Variants in ASIP observed in about 807,000 individuals in gnomAD.
The protein encoded by ASIP is agouti signaling protein, also known as agouti-signaling protein.
A neutral mutation model predicts 10.3 loss-of-function variants in ASIP; 11 were observed. The observed-to-expected ratio is 1.07, with a 90% CI of 0.68 to 1.78. ASIP has a LOEUF of 1.78. ASIP is among the 40% of genes most tolerant of loss of function. ASIP has a pLI of 0.00. For synonymous variants in ASIP, 70 were observed against 70.8 expected, an observed-to-expected ratio of 0.99 and a Z score of 0.06; for missense variants, 180 against 169.2, an observed-to-expected ratio of 1.06 and a Z score of -0.35.
chr20:34,221,936 C>T (rs951484374), intron 1 of ASIP, among the ~76,000 whole-genome samples: 1 of 152,048 alleles, frequency 6.6e-6, no homozygotes, highest in Non-Finnish European at 1.5e-5. Context: ...ATGGCAAAAC[C>T]TTGTCCCTAC....
chr20:34,191,932 T>C (rs1337034362), upstream of ASIP, among the ~76,000 whole-genome samples: 3 of 152,172 alleles, frequency 2.0e-5, no homozygotes, highest in Non-Finnish European at 1.5e-5. Context: ...GGTTTCACCA[T>C]GTTGGCCAGG....
intron 1 of ASIP, among the ~76,000 whole-genome samples, chr20:34,210,214 T>C (rs1447097135): frequency 6.6e-6 from 1 of 152,216 alleles, no homozygotes; most frequent in African/African-American, 2.4e-5. Flanking sequence ...AAACGTCCCT[T>C]GCTCACCACG....
chr20:34,191,195 T>C (rs569594546), upstream of ASIP, among the ~76,000 whole-genome samples: 1 of 152,326 alleles, frequency 6.6e-6, no homozygotes, highest in South Asian at 2.1e-4. Flanking sequence ...TTTAATTTTC[T>C]AAATTAAATA....
At chr20:34,254,843 G>T (rs1014635806) in intron 1 of ASIP, among the ~76,000 whole-genome samples, 3 of 152,062 alleles carry the variant, frequency 2.0e-5, no homozygotes, top group Admixed American at 2.0e-4. Context: ...TTGAGGTAAG[G>T]AATACTGGTC....
intron 3 of ASIP, among the ~76,000 whole-genome samples, chr20:34,268,742 A>G (rs2122687700): frequency 6.7e-6 from 1 of 149,312 alleles, no homozygotes; most frequent in East Asian, 2.0e-4. Flanking sequence ...TAAAAAAAAA[A>G]CAAAAAACAA....
At chr20:34,256,351 C>G (rs1420187947) in intron 1 of ASIP, among the ~76,000 whole-genome samples, 1 of 152,186 alleles carries the variant, frequency 6.6e-6, no homozygotes, top group African/African-American at 2.4e-5. Context: ...CCGGACCCAG[C>G]TGTATTTTAT....
In ASIP at chr20:34,258,700, A is replaced by ATATATATATATATATACACACACATAC. The variant is rs1555826880; in HGVS notation, c.-10-1656_-10-1655insATATATACACACACATACTATATATAT. Reference sequence around the variant, plus strand: ...ATATATATATATATATACATACTATATATATATATTATATATATTATAAAA... The same window carrying ATATATATATATATATACACACACATAC: ...ATATATATATATATATACATACTATATATATATATATATATACACACACATACTATATATATTATATATATTATAAAA... On this transcript the variant is annotated intron_variant, in intron 1 of 3. Coordinates refer to ENST00000374954, the MANE Select transcript of ASIP (RefSeq NM_001672.3). Among the ~76,000 whole-genome samples, 32 of 77,922 alleles carry ATATATATATATATATACACACACATAC rather than the reference A, an allele frequency of 4.1e-4. 3 individuals carry two copies. The highest frequency in any genetic ancestry group is 1.6e-3 in the East Asian group (3 of 1,912). 51.1% of individuals were successfully genotyped at this position (77,922 alleles called of 152,430 possible).
chr20:34,189,210 G>T, the ASIP span, among the ~76,000 whole-genome samples: 1,565 of 152,226 alleles, frequency 0.01, 16 homozygotes, highest in Non-Finnish European at 0.014. Context: ...AGAACTTCTG[G>T]CCATGTGGGT....
intron 1 of ASIP, among the ~76,000 whole-genome samples, chr20:34,257,871 C>T (rs372238423): frequency 8.5e-5 from 13 of 152,078 alleles, no homozygotes; most frequent in African/African-American, 2.2e-4. Context: ...GGGCTGGGTG[C>T]GGTGGCTCAC....
chr20:34,253,307 CA>C (rs1279546718), intron 1 of ASIP, among the ~76,000 whole-genome samples: 3 of 151,584 alleles, frequency 2.0e-5, no homozygotes, highest in Non-Finnish European at 2.9e-5. Context: ...GGGGTTTCAC[CA>C]TGTTAGCCAG....
upstream of ASIP, among the ~76,000 whole-genome samples, chr20:34,191,730 C>CTTT (rs58407816): frequency 0.012 from 1,528 of 125,122 alleles, 76 homozygotes; most frequent in African/African-American, 0.048. Flanking sequence ...CTCTCTCTCT[C>CTTT]TTTTTTTTTT....
intron 1 of ASIP, among the ~76,000 whole-genome samples, chr20:34,198,916 G>A (rs1436830458): frequency 6.6e-6 from 1 of 152,114 alleles, no homozygotes; most frequent in Admixed American, 6.5e-5. Flanking sequence ...GCACCCAGAA[G>A]CCTCCTCATT....
intron 1 of ASIP, among the ~76,000 whole-genome samples, chr20:34,247,995 C>G (rs2035409341): frequency 6.6e-6 from 1 of 152,152 alleles, no homozygotes; most frequent in Admixed American, 6.5e-5. Flanking sequence ...CGCCTGAGAT[C>G]AAGAGTTCGA....
At chr20:34,236,861 T>G (rs1342219903), upstream of ASIP, among the ~76,000 whole-genome samples, 1 of 152,210 alleles carries the variant, frequency 6.6e-6, no homozygotes, top group Non-Finnish European at 1.5e-5. Context: ...GGTCTATGAT[T>G]CATTTTGGGT....
intron 1 of ASIP, among the ~76,000 whole-genome samples, chr20:34,257,205 T>C (rs986095824): frequency 6.6e-6 from 1 of 151,996 alleles, no homozygotes; most frequent in Non-Finnish European, 1.5e-5. Flanking sequence ...TGCCTCAGCC[T>C]CCTGAGTAGG....
intron 1 of ASIP, among the ~76,000 whole-genome samples, chr20:34,205,287 G>C (rs560249272): frequency 6.6e-6 from 1 of 151,928 alleles, no homozygotes; most frequent in African/African-American, 2.4e-5. Flanking sequence ...AAGGCATCAC[G>C]TCCAGAGCTG....
intron 1 of ASIP, among the ~76,000 whole-genome samples, chr20:34,235,844 G>GA (rs1568756042): frequency 3.8e-4 from 10 of 26,032 alleles, no homozygotes; most frequent in African/African-American, 3.2e-3. Flanking sequence ...AAAGAAAGAA[G>GA]GAAGGAAGGA....
At chr20:34,246,370 CT>C (rs1007735734) in intron 1 of ASIP, 8 of 1,466,960 alleles carry the variant, frequency 5.5e-6, no homozygotes, top group Non-Finnish European at 7.5e-6. Context: ...GAAAATTCTT[CT>C]CTAACCATTG....
rs1601573989 is a variant in ASIP, at chr20:34,213,676, A to G, written c.-11+18916A>G. 1.0e-5 allele frequency: 16 copies of G among 1,547,974 alleles called. No individual in the cohort carries two copies. The East Asian group carries it at 3.6e-4, about 35-fold the overall frequency. ...GTCTTTTGCTTCACAATCTTTGAGTATATGTTCTGAAGCAGATGGGATGAA... is the reference window on the plus strand; with the variant it reads ...GTCTTTTGCTTCACAATCTTTGAGTGTATGTTCTGAAGCAGATGGGATGAA... On this transcript the variant is annotated intron_variant, in intron 1 of 3. Coordinates refer to the ASIP transcript ENST00000568305.
Sources: gnomAD v4.1 joint callset for allele counts (sites outside exome capture counted in the v4.1 genomes callset) on GRCh38, gnomAD v4.1.1 for gene constraint, MANE v1.5 for transcripts, NCBI Gene and HGNC (gene_info 2026-07-23, HGNC 2026-07-21) for gene names.